SHISA4: variants seen among roughly 807,000 people sequenced by gnomAD.
SHISA4 encodes the protein protein shisa-4.
In SHISA4, 16 loss-of-function variants were observed where a neutral mutation model predicts 24.2. The observed-to-expected ratio is 0.66, with a 90% CI of 0.45 to 1.00. The LOEUF (loss-of-function observed/expected upper bound fraction) is 1.00, where lower values mean the gene tolerates loss of function less well. Among genes scored for constraint, SHISA4 ranks in the 50% least tolerant of loss-of-function variants. SHISA4 has a pLI of 0.00. For missense variants in SHISA4, 238 were observed against 258.9 expected (o/e 0.92, Z 0.55); for synonymous variants, 106 against 105.4 (o/e 1.01, Z -0.04).
At chr1:201,890,722 AC>A in intron 3 of SHISA4, 135 bp downstream of exon 3, 1 of 1,211,172 alleles carries the variant, frequency 8.3e-7, no homozygotes, top group Non-Finnish European at 1.1e-6. Context: ...CAGCATGAAA[AC>A]CCAGAAAAAT....
chr1:201,890,523 C>T lies in SHISA4; in HGVS notation c.315C>T (p.Cys105=), dbSNP rs1273405372. Residue 105 remains cysteine (C), a synonymous_variant, in exon 3 of 5, where the codon TGC becomes TGT. Coordinates refer to ENST00000362011, the MANE Select transcript of SHISA4 (RefSeq NM_198149.3). ...TTGCTGTGGTTGCCACCACCATCTG[C>T]TGCTTCCTCTGTTCCTGTTGCTACC... ...LFVAVVATTI[C]CFLCSCCYLY... is the part of the protein sequence containing the mutation. The T allele has an allele frequency of 6.2e-7, 1 of 1,614,256 alleles. No individual in the cohort carries two copies. Among genetic ancestry groups the T allele is most frequent in the Non-Finnish European group, 8.5e-7 (1 of 1,180,040 alleles).
chr1:201,891,595 C>A, intron 4 of SHISA4, 27 bp downstream of exon 4: 1 of 1,591,562 alleles, frequency 6.3e-7, no homozygotes, highest in Non-Finnish European at 8.6e-7. Flanking sequence ...GAGCCCCTTG[C>A]TGCTGCCTTC....
Position 201,891,805 on chromosome 1 carries a change from C to G in SHISA4, c.553C>G (p.Pro185Ala). The G allele has an allele frequency of 6.2e-7, 1 of 1,614,118 alleles. No homozygotes were observed. The highest frequency in any genetic ancestry group is 8.5e-7 in the Non-Finnish European group (1 of 1,180,004). ...CCTGTCTCTTTGGCTTTCAGCTCCT[C>G]CTCCCTATATGCCACCACAGCCCTC... ...GPPVYNPAAPPPYMPPQPSYP... is the reference protein window; with the variant it reads ...GPPVYNPAAPAPYMPPQPSYP... The change falls in exon 5 of 5, where the codon CCT (proline) becomes GCT (alanine). Residue 185 changes from proline to alanine, a missense_variant. By Grantham distance (27) the Pro-to-Ala change is conservative (BLOSUM62 -1). Transcript: ENST00000362011.
chr1:201,889,469 G>C lies in SHISA4; in HGVS notation c.98G>C (p.Trp33Ser), dbSNP rs1681050827. The C allele has an allele frequency of 6.2e-7, 1 of 1,613,516 alleles. No homozygotes were observed. Among genetic ancestry groups the C allele is most frequent in the Admixed American group, 1.7e-5 (1 of 60,008 alleles). Reference protein sequence around the residue: ...PLVLAGEDCLWYLDRNGSWHP... With the variant: ...PLVLAGEDCLSYLDRNGSWHP... ...GTGCTGGCCGGCGAGGACTGCCTGT[G>C]GTACCTGGACCGGAATGGCTCCTGG... The change falls in exon 2 of 5, where the codon TGG becomes TCG. Residue 33 changes from tryptophan to serine, a missense_variant. Coordinates refer to ENST00000362011, the MANE Select transcript of SHISA4 (RefSeq NM_198149.3).
upstream of SHISA4, chr1:201,888,891 C>T: frequency 6.7e-6 from 5 of 748,602 alleles, no homozygotes; most frequent in South Asian, 4.6e-5. Context: ...AAGAGGAGCC[C>T]GAGCCTGGCC....
intron 1 of SHISA4, 101 bp from the exon 2 acceptor site, chr1:201,889,344 C>T (rs928968993): frequency 1.3e-6 from 2 of 1,504,700 alleles, no homozygotes; most frequent in Admixed American, 3.5e-5. Flanking sequence ...CCTCAGTGTT[C>T]GGGAGCCGTC....
In SHISA4 at chr1:201,892,064, G is replaced by A. The variant is rs1256696501; in HGVS notation, c.*218G>A. Reference sequence around the variant, plus strand: ...GGTTGGGGGGAGGGCTTGGAATTATGGGCTATTTTTACTGGGGGCAAGGGA... The same window carrying A: ...GGTTGGGGGGAGGGCTTGGAATTATAGGCTATTTTTACTGGGGGCAAGGGA... On this transcript the variant is annotated 3_prime_UTR_variant, in exon 5 of 5. Coordinates refer to ENST00000362011, the MANE Select transcript of SHISA4 (RefSeq NM_198149.3). The A allele has an allele frequency of 1.4e-5, 8 of 582,592 alleles. No individual in the cohort carries two copies. The highest frequency in any genetic ancestry group is 2.4e-5 in the Non-Finnish European group (8 of 327,966). 36.1% of individuals were successfully genotyped at this position (582,592 alleles called of 1,614,324 possible). A position where few individuals can be genotyped will look rare whatever the true frequency, so the allele number is the denominator to read the frequency against.
chr1:201,889,143 G>T, intron 1 of SHISA4, 76 bp downstream of exon 1: 1 of 1,309,304 alleles, frequency 7.6e-7, no homozygotes, highest in Non-Finnish European at 1.0e-6. Flanking sequence ...GAGGGGCTTG[G>T]GCTCGGGGCT....
At chr1:201,891,267 T>C in intron 3 of SHISA4, 134 bp from the exon 4 acceptor site, 1 of 995,214 alleles carries the variant, frequency 1.0e-6, no homozygotes, top group Non-Finnish European at 1.6e-6. Flanking sequence ...AAGCAGGGTG[T>C]GGGAGGCAAA....
At chr1:201,891,678 C>G in intron 4 of SHISA4, 110 bp downstream of exon 4, 1 of 1,541,760 alleles carries the variant, frequency 6.5e-7, no homozygotes, top group Admixed American at 1.7e-5. Context: ...CTTCCTCCAC[C>G]TCTAGCCCGA....
rs112227954 is a variant in SHISA4 at position 201,892,004 on chromosome 1, G to T, written c.*158G>T. The T allele has an allele frequency of 1.2e-6, 1 of 801,950 alleles. No individual in the cohort carries two copies. Among genetic ancestry groups the T allele is most frequent in the East Asian group, 2.5e-5 (1 of 40,250 alleles). The allele number at this position is 801,950 out of a possible 1,614,324, so 49.7% of individuals were successfully genotyped here. A position where few individuals can be genotyped will look rare whatever the true frequency, so the allele number is the denominator to read the frequency against. On this transcript the variant is annotated 3_prime_UTR_variant, in exon 5 of 5. Transcript: ENST00000362011. Reference sequence around the variant, plus strand: ...GGCCCTACTGGGGACAGAGCCCCAGGGAAGTGGAACAGGAGCTGAACTAGA... The same window carrying T: ...GGCCCTACTGGGGACAGAGCCCCAGTGAAGTGGAACAGGAGCTGAACTAGA...
In SHISA4 at chr1:201,892,105, G is replaced by A. The variant is rs924781972; in HGVS notation, c.*259G>A. Reference sequence around the variant, plus strand: ...GGGCAAGGGAGGGAGATGACAGCCTGGGTCACAGTGCCTGTTTTCAAATAG... The same window carrying A: ...GGGCAAGGGAGGGAGATGACAGCCTAGGTCACAGTGCCTGTTTTCAAATAG... On this transcript the variant is annotated 3_prime_UTR_variant, in exon 5 of 5. Coordinates refer to ENST00000362011, the MANE Select transcript of SHISA4 (RefSeq NM_198149.3). The A allele has an allele frequency of 1.0e-5, 5 of 497,776 alleles. No individual in the cohort carries two copies. The highest frequency in any genetic ancestry group is 1.4e-5 in the Non-Finnish European group (4 of 277,004). The allele number at this position is 497,776 out of a possible 1,614,324, so 30.8% of individuals were successfully genotyped here. A position where few individuals can be genotyped will look rare whatever the true frequency, so the allele number is the denominator to read the frequency against.
At chr1:201,889,237 G>A in intron 1 of SHISA4, 170 bp downstream of exon 1, 1 of 900,204 alleles carries the variant, frequency 1.1e-6, no homozygotes, top group Non-Finnish European at 1.6e-6. Context: ...CAGGATGCTG[G>A]GCCATGGGAG....
Position 201,891,913 on chromosome 1 carries a change from C to G in SHISA4, c.*67C>G. On this transcript the variant is annotated 3_prime_UTR_variant, in exon 5 of 5. Transcript: ENST00000362011. ...CTTGGGAGATGCCCTCATCCTGTAC[C>G]TGCATCTGGTCCTGGGGGTGGCAGG... 2.5e-6 allele frequency: 4 copies of G among 1,581,852 alleles called. No homozygotes were observed.
chr1:201,889,344 C>G, intron 1 of SHISA4, 101 bp from the exon 2 acceptor site: 1 of 1,504,700 alleles, frequency 6.6e-7, no homozygotes, highest in South Asian at 1.2e-5. Context: ...CCTCAGTGTT[C>G]GGGAGCCGTC....
rs1681117921 is a variant in SHISA4, at chr1:201,892,282, A to T, written c.*436A>T. ...ACTGGCCACATCTCTGGCCTGCTAG[A>T]TTAAAGCTGTAAAGACATAACTCAT... is the stretch of plus-strand genomic sequence containing the variant. On this transcript the variant is annotated 3_prime_UTR_variant, in exon 5 of 5. Coordinates refer to ENST00000362011, the MANE Select transcript of SHISA4 (RefSeq NM_198149.3). 4.6e-6 allele frequency: 1 copy of T among 218,934 alleles called. No individual in the cohort carries two copies. The highest frequency in any genetic ancestry group is 9.1e-6 in the Non-Finnish European group (1 of 110,006). The allele number at this position is 218,934 out of a possible 1,614,324, so 13.6% of individuals were successfully genotyped here. A position where few individuals can be genotyped will look rare whatever the true frequency, so the allele number is the denominator to read the frequency against.
chr1:201,889,734 T>A, intron 2 of SHISA4, 118 bp downstream of exon 2: 1 of 1,204,320 alleles, frequency 8.3e-7, no homozygotes, highest in Non-Finnish European at 1.2e-6. Context: ...CTTAGCTGAA[T>A]AGAGTCACCA....
chr1:201,890,534 G>A lies in SHISA4; in HGVS notation c.326G>A (p.Cys109Tyr), dbSNP rs1483203046. The A allele has an allele frequency of 6.2e-7, 1 of 1,614,234 alleles. No homozygotes were observed. The highest frequency in any genetic ancestry group is 1.1e-5 in the South Asian group (1 of 91,086). ...VVATTICCFLCSCCYLYRRRQ... is the reference protein window; with the variant it reads ...VVATTICCFLYSCCYLYRRRQ... Reference sequence around the variant, plus strand: ...GCCACCACCATCTGCTGCTTCCTCTGTTCCTGTTGCTACCTGTACCGCCGG... The same window carrying A: ...GCCACCACCATCTGCTGCTTCCTCTATTCCTGTTGCTACCTGTACCGCCGG... The change falls in exon 3 of 5, where the codon TGT (cysteine) becomes TAT (tyrosine). Residue 109 changes from cysteine (C) to tyrosine (Y), a missense_variant. Cys to Tyr is a radical substitution (Grantham distance 194). Coordinates refer to ENST00000362011, the MANE Select transcript of SHISA4 (RefSeq NM_198149.3).
chr1:201,889,779 G>A (rs1014736153), intron 2 of SHISA4, among the ~76,000 whole-genome samples, 163 bp downstream of exon 2: 7 of 152,218 alleles, frequency 4.6e-5, no homozygotes, highest in Non-Finnish European at 8.8e-5. Flanking sequence ...AGGTGCTTAG[G>A]TGCTGGTGCC....
Sources: allele counts gnomAD v4.1 joint callset (sites outside exome capture counted in the v4.1 genomes callset), GRCh38; gene constraint gnomAD v4.1.1; transcripts MANE v1.5; gene names NCBI Gene and HGNC (gene_info 2026-07-23, HGNC 2026-07-21).